ADAMTSL1: variants seen among roughly 807,000 people sequenced by gnomAD.
ADAMTSL1 encodes the protein ADAMTS-like protein 1.
Under a neutral mutation model 201.8 loss-of-function variants are expected in ADAMTSL1, and 126 were observed. That is an observed-to-expected ratio of 0.62 (90% CI 0.54 to 0.72). The LOEUF is 0.72. Ranked by LOEUF, ADAMTSL1 falls within the 30% of genes least tolerant of loss-of-function variation. ADAMTSL1 has a pLI of 0.00. For missense variants in ADAMTSL1, 2,679 were observed against 2,277.8 expected, an observed-to-expected ratio of 1.18 and a Z score of -3.59; for synonymous variants, 1,121 against 903.4, an observed-to-expected ratio of 1.24 and a Z score of -4.32.
chr9:18,170,314 G>A (rs1349832913), intron 2 of ADAMTSL1, among the ~76,000 whole-genome samples: 1 of 151,978 alleles, frequency 6.6e-6, no homozygotes. Context: ...GGCTGGATAT[G>A]CACCAAACAC....
chr9:18,069,987 T>C (rs1418738615), intron 1 of ADAMTSL1, among the ~76,000 whole-genome samples: 1 of 152,146 alleles, frequency 6.6e-6, no homozygotes, highest in Non-Finnish European at 1.5e-5. Flanking sequence ...ATGGGGAGAT[T>C]AGGAATTCAG....
intron 2 of ADAMTSL1, among the ~76,000 whole-genome samples, chr9:18,264,528 C>G (rs1026544591): frequency 7.2e-5 from 11 of 152,050 alleles, no homozygotes; most frequent in Non-Finnish European, 1.3e-4. Flanking sequence ...AAGTCAAAAG[C>G]CACAGGCACT....
At chr9:18,747,346 G>A (rs962988761) in intron 15 of ADAMTSL1, among the ~76,000 whole-genome samples, 1 of 152,108 alleles carries the variant, frequency 6.6e-6, no homozygotes, top group Admixed American at 6.6e-5. Context: ...GGTAAGCTAA[G>A]TTCTGGGCTC....
intron 4 of ADAMTSL1, among the ~76,000 whole-genome samples, chr9:18,584,781 C>A (rs879875575): frequency 2.6e-5 from 4 of 151,940 alleles, no homozygotes; most frequent in Non-Finnish European, 5.9e-5. Context: ...TTGGTGGGCA[C>A]CATCCAATTG....
chr9:18,133,058 G>A (rs1189254939), intron 1 of ADAMTSL1, among the ~76,000 whole-genome samples: 1 of 152,106 alleles, frequency 6.6e-6, no homozygotes, highest in African/African-American at 2.4e-5. Flanking sequence ...CAGGACTGTG[G>A]AGCCAGGGTT....
At chr9:18,410,843 CTTCT>C (rs1818408438) in intron 2 of ADAMTSL1, among the ~76,000 whole-genome samples, 1 of 110,664 alleles carries the variant, frequency 9.0e-6, no homozygotes. Flanking sequence ...CTGTCTTCTT[CTTCT>C]TTTTTTTTTT....
intron 2 of ADAMTSL1, among the ~76,000 whole-genome samples, chr9:18,330,694 T>C (rs551945759): frequency 2.0e-5 from 3 of 152,322 alleles, no homozygotes; most frequent in Admixed American, 2.0e-4. Flanking sequence ...GGATCTGAGC[T>C]CTTTCTGCTG....
chr9:18,648,719 A>C (rs937676533), intron 7 of ADAMTSL1, among the ~76,000 whole-genome samples: 6 of 151,954 alleles, frequency 3.9e-5, no homozygotes, highest in South Asian at 4.2e-4. Flanking sequence ...ATTGGTCCCC[A>C]CTGTCTTCTG....
chr9:18,100,579 G>T (rs1824470495), intron 1 of ADAMTSL1, among the ~76,000 whole-genome samples: 1 of 152,108 alleles, frequency 6.6e-6, no homozygotes, highest in Non-Finnish European at 1.5e-5. Context: ...AACTTCCTAA[G>T]TCTATTCCCC....
intron 2 of ADAMTSL1, among the ~76,000 whole-genome samples, chr9:18,511,117 G>C (rs1256037687): frequency 1.3e-5 from 2 of 152,074 alleles, no homozygotes; most frequent in African/African-American, 2.4e-5. Context: ...CCCCTCATTT[G>C]AGATGGCAAC....
At chr9:18,561,601 T>C (rs987762239) in intron 3 of ADAMTSL1, among the ~76,000 whole-genome samples, 1 of 152,184 alleles carries the variant, frequency 6.6e-6, no homozygotes, top group Non-Finnish European at 1.5e-5. Context: ...TTCTGTCTTG[T>C]TGATCTGTCT....
In ADAMTSL1 at chr9:18,506,605, A is replaced by G. The variant is rs74989475; in HGVS notation, c.191+1649A>G. Among the ~76,000 whole-genome samples the G allele has an allele frequency of 7.5e-3, 1,136 of 152,206 alleles. 22 individuals carry two copies. The highest frequency in any genetic ancestry group is 0.026 in the African/African-American group (1,079 of 41,520). ...TGCCATGCGAAATTCAAAAATAAAC[A>G]ATTTTGCCACCTAGTAAGTTAAAGG... On this transcript the variant is annotated intron_variant, in intron 2 of 28. Coordinates refer to ENST00000380548, the MANE Select transcript of ADAMTSL1 (RefSeq NM_001040272.6).
chr9:18,628,134 G>T (rs868170713), intron 5 of ADAMTSL1, among the ~76,000 whole-genome samples: 1 of 151,916 alleles, frequency 6.6e-6, no homozygotes, highest in African/African-American at 2.4e-5. Flanking sequence ...TTCTTTTACG[G>T]CTCATGCTTT....
chr9:18,370,512 G>A (rs1198287425), intron 2 of ADAMTSL1, among the ~76,000 whole-genome samples: 1 of 152,092 alleles, frequency 6.6e-6, no homozygotes, highest in African/African-American at 2.4e-5. Flanking sequence ...TTAGCAGGGT[G>A]CCTCATGCAC....
chr9:18,459,489 T>C (rs1820729597), intron 2 of ADAMTSL1, among the ~76,000 whole-genome samples: 1 of 152,124 alleles, frequency 6.6e-6, no homozygotes, highest in African/African-American at 2.4e-5. Context: ...TATCTTAGAA[T>C]AGTCAAGCTT....
chr9:18,113,286 C>T (rs1230487054), intron 1 of ADAMTSL1, among the ~76,000 whole-genome samples: 2 of 151,992 alleles, frequency 1.3e-5, no homozygotes, highest in Non-Finnish European at 1.5e-5. Flanking sequence ...TTGATGGGGA[C>T]ATAATTGAAG....
chr9:18,651,997 C>G (rs571102924), intron 7 of ADAMTSL1, among the ~76,000 whole-genome samples: 4 of 151,812 alleles, frequency 2.6e-5, no homozygotes, highest in Non-Finnish European at 5.9e-5. Context: ...CCTCTCCTAG[C>G]TTATAATGTC....
At chr9:18,817,822 T>A (rs940654534) in intron 21 of ADAMTSL1, among the ~76,000 whole-genome samples, 1 of 152,114 alleles carries the variant, frequency 6.6e-6, no homozygotes, top group African/African-American at 2.4e-5. Context: ...AACGACTGGA[T>A]GGACATGAGA....
chr9:18,181,881 C>T lies in ADAMTSL1; in HGVS notation c.207+17900C>T, dbSNP rs182863564. ...TATTCACAATAGCAAAGACTTGGAG[C>T]CAACCCAAATGTCCAACAAAGATAG... On this transcript the variant is annotated intron_variant, in intron 2 of 29. Coordinates refer to the ADAMTSL1 transcript ENST00000680146. 1.4e-3 allele frequency among the ~76,000 whole-genome samples: 214 copies of T among 152,162 alleles called. 1 individual carries two copies. In the East Asian group the frequency reaches 0.026, roughly 19 times the overall value.
Sources: gnomAD v4.1 joint callset for allele counts (sites outside exome capture counted in the v4.1 genomes callset) on GRCh38, gnomAD v4.1.1 for gene constraint, MANE v1.5 for transcripts, NCBI Gene and HGNC (gene_info 2026-07-23, HGNC 2026-07-21) for gene names.